The following FMN1 variants were observed in gnomAD, a reference collection of about 807,000 sequenced individuals.
The protein encoded by FMN1 is formin-1.
FMN1 carries 110 observed loss-of-function variants against 132.4 expected under a neutral mutation model. The observed-to-expected ratio is 0.83, with a 90% CI of 0.71 to 0.97. The LOEUF (loss-of-function observed/expected upper bound fraction) is 0.97. Among genes scored for constraint, FMN1 ranks in the 50% least tolerant of loss-of-function variants. FMN1 has a pLI of 0.00. For synonymous variants in FMN1, 722 were observed against 651.7 expected, an observed-to-expected ratio of 1.11 and a Z score of -1.64; for missense variants, 1,792 against 1,705.3, an observed-to-expected ratio of 1.05 and a Z score of -0.90.
intron 16 of FMN1, among the ~76,000 whole-genome samples, chr15:32,879,957 C>A (rs2141430242): frequency 6.6e-6 from 1 of 152,226 alleles, no homozygotes; most frequent in Non-Finnish European, 1.5e-5. Context: ...TCCACCCCAC[C>A]ATTTCCTCAA....
At chr15:32,796,277 T>C (rs1226712140) in intron 19 of FMN1, among the ~76,000 whole-genome samples, 2 of 152,252 alleles carry the variant, frequency 1.3e-5, no homozygotes, top group East Asian at 1.9e-4. Flanking sequence ...GTGTTTTCCA[T>C]GAAACCTGTC....
At chr15:33,065,555 G>A (rs1042773526) in intron 5 of FMN1, among the ~76,000 whole-genome samples, 1 of 152,158 alleles carries the variant, frequency 6.6e-6, no homozygotes, top group East Asian at 1.9e-4. Flanking sequence ...TCCTATAAAC[G>A]AATGAATGAG....
intron 6 of FMN1, among the ~76,000 whole-genome samples, chr15:33,055,430 A>G (rs866466332): frequency 6.6e-6 from 1 of 152,126 alleles, no homozygotes; most frequent in African/African-American, 2.4e-5. Context: ...CCGTGGGTAC[A>G]TGTTGTCAGG....
At chr15:33,081,920 A>G (rs960631144) in intron 5 of FMN1, among the ~76,000 whole-genome samples, 68 of 152,188 alleles carry the variant, frequency 4.5e-4, no homozygotes, top group Admixed American at 1.2e-3. Context: ...TGTCTTCCCC[A>G]GACAATTAAG....
At chr15:33,014,657 G>T (rs138697723) in intron 6 of FMN1, among the ~76,000 whole-genome samples, 1 of 152,276 alleles carries the variant, frequency 6.6e-6, no homozygotes, top group Non-Finnish European at 1.5e-5. Flanking sequence ...AAAAATGAAA[G>T]AACTTTCTCT....
intron 6 of FMN1, among the ~76,000 whole-genome samples, chr15:33,016,000 T>C (rs2035023457): frequency 6.6e-6 from 1 of 152,214 alleles, no homozygotes; most frequent in South Asian, 2.1e-4. Context: ...GGTGGATTTA[T>C]TGACTTGGAA....
At chr15:33,032,945 T>G (rs1369624310) in intron 6 of FMN1, among the ~76,000 whole-genome samples, 1 of 152,204 alleles carries the variant, frequency 6.6e-6, no homozygotes, top group Non-Finnish European at 1.5e-5. Context: ...TATTAAGTAT[T>G]TGTTCAACGC....
intron 6 of FMN1, among the ~76,000 whole-genome samples, chr15:33,015,413 T>A (rs2034983858): frequency 6.6e-6 from 1 of 152,210 alleles, no homozygotes. Flanking sequence ...GATTCGTCTG[T>A]CTTTTCTAAG....
chr15:32,934,431 C>A (rs555325341), intron 9 of FMN1, among the ~76,000 whole-genome samples: 3 of 152,078 alleles, frequency 2.0e-5, no homozygotes. Flanking sequence ...TATCTACAAG[C>A]TTTGCGCTTT....
intron 6 of FMN1, among the ~76,000 whole-genome samples, chr15:33,048,939 GAAA>G (rs2036843398): frequency 6.6e-6 from 1 of 152,292 alleles, no homozygotes. Flanking sequence ...ACTGTATCAG[GAAA>G]GTAAAAGGTG....
chr15:33,181,883 T>C (rs547306536), intron 2 of FMN1, among the ~76,000 whole-genome samples: 2 of 152,090 alleles, frequency 1.3e-5, no homozygotes, highest in South Asian at 2.1e-4. Context: ...TAATTTTTTG[T>C]ATTTTTAGTA....
chr15:33,009,956 G>A (rs2034621637), intron 6 of FMN1, among the ~76,000 whole-genome samples: 1 of 152,006 alleles, frequency 6.6e-6, no homozygotes. Flanking sequence ...GCACGATCTT[G>A]GCTCACTGGA....
Position 32,823,951 on chromosome 15 carries a change from T to C in FMN1, c.3929-19619A>G, listed in dbSNP as rs561043263. ...TACTGCAAACATAGGGAAGACCACA[T>C]TGGAACAGTGTGCCCCTGCCAAAAG... On this transcript the variant is annotated intron_variant, in intron 17 of 20. Coordinates refer to ENST00000616417, the MANE Select transcript of FMN1 (RefSeq NM_001277313.2). 1.5e-4 allele frequency among the ~76,000 whole-genome samples: 23 copies of C among 152,340 alleles called. 1 individual carries two copies. Among genetic ancestry groups the C allele is most frequent in the Middle Eastern group, 6.8e-3 (2 of 294 alleles).
rs969203489 is a variant in FMN1 at position 33,092,437 on chromosome 15, G to A, written c.1868-3463C>T. ...TTTTCTGGTCTATTTCCCCTGCCAC[G>A]TGACTTCCTTTGGCCATCTGAATGT... On this transcript the variant is annotated intron_variant, in intron 4 of 20. Transcript: ENST00000616417. Among the ~76,000 whole-genome samples, 9 of 152,174 alleles carry A rather than the reference G, an allele frequency of 5.9e-5. No homozygotes were observed. The East Asian group carries it at 7.7e-4, about 13-fold the overall frequency.
chr15:33,185,979 G>A (rs1433178586), intron 2 of FMN1, among the ~76,000 whole-genome samples: 2 of 151,874 alleles, frequency 1.3e-5, no homozygotes, highest in African/African-American at 4.8e-5. Flanking sequence ...ATAGTCATAG[G>A]GAAAATGATG....
chr15:32,854,371 G>C (rs1006367272), intron 17 of FMN1, among the ~76,000 whole-genome samples: 2 of 152,148 alleles, frequency 1.3e-5, no homozygotes, highest in Non-Finnish European at 2.9e-5. Flanking sequence ...ATTGTAACAA[G>C]CTATTTCAAC....
chr15:33,141,466 T>C (rs1252004994), intron 4 of FMN1, among the ~76,000 whole-genome samples: 1 of 152,078 alleles, frequency 6.6e-6, no homozygotes, highest in East Asian at 1.9e-4. Context: ...ACGGGTAGGA[T>C]CCCCTGGAAA....
At chr15:32,885,253 C>A (rs2059868229) in intron 16 of FMN1, among the ~76,000 whole-genome samples, 1 of 152,220 alleles carries the variant, frequency 6.6e-6, no homozygotes, top group Admixed American at 6.5e-5. Flanking sequence ...TCTATCTGAT[C>A]TGACAGTCTA....
chr15:32,979,935 G>A (rs775302155), intron 7 of FMN1, among the ~76,000 whole-genome samples: 25 of 152,276 alleles, frequency 1.6e-4, no homozygotes, highest in Non-Finnish European at 2.1e-4. Context: ...ACAAATGACC[G>A]ATGATGCATG....
Sources: allele counts gnomAD v4.1 joint callset (sites outside exome capture counted in the v4.1 genomes callset), GRCh38; gene constraint gnomAD v4.1.1; transcripts MANE v1.5; gene names NCBI Gene and HGNC (gene_info 2026-07-23, HGNC 2026-07-21).